HECW2: variants seen among roughly 807,000 people sequenced by gnomAD.
The protein encoded by HECW2 is HECT, C2 and WW domain containing E3 ubiquitin protein ligase 2.
HECW2 carries 61 observed loss-of-function variants against 175.2 expected under a neutral mutation model. That is an observed-to-expected ratio of 0.35 (90% CI 0.28 to 0.43). The LOEUF (loss-of-function observed/expected upper bound fraction) is 0.43. Ranked by LOEUF, HECW2 falls within the 20% of genes least tolerant of loss-of-function variation. The pLI is 1.00. For missense variants in HECW2, 1,524 were observed against 2,000.5 expected (o/e 0.76, Z 4.54); for synonymous variants, 671 against 731.0 (o/e 0.92, Z 1.32).
intron 1 of HECW2, among the ~76,000 whole-genome samples, chr2:196,463,177 TC>T (rs1696814864): frequency 6.6e-6 from 1 of 152,170 alleles, no homozygotes; most frequent in Admixed American, 6.5e-5. Flanking sequence ...TGTCTCAACC[TC>T]TTTCACATGA....
At chr2:196,494,718 A>T (rs761884517) in intron 1 of HECW2, among the ~76,000 whole-genome samples, 27 of 152,234 alleles carry the variant, frequency 1.8e-4, no homozygotes, top group Non-Finnish European at 2.8e-4. Flanking sequence ...ACTTCCCAAG[A>T]CATTTTCTTC....
chr2:196,520,917 TAAAG>T (rs1043336258), intron 1 of HECW2, among the ~76,000 whole-genome samples: 1 of 151,916 alleles, frequency 6.6e-6, no homozygotes, highest in Non-Finnish European at 1.5e-5. Flanking sequence ...AAAAAATAAA[TAAAG>T]AGAGCTAGCT....
chr2:196,430,991 A>T (rs147143124), intron 2 of HECW2, among the ~76,000 whole-genome samples: 7 of 152,348 alleles, frequency 4.6e-5, no homozygotes, highest in Non-Finnish European at 8.8e-5. Context: ...TATAGCATAG[A>T]CAAACTGCTG....
chr2:196,588,814 T>C (rs574389131), intron 1 of HECW2, among the ~76,000 whole-genome samples: 1 of 152,356 alleles, frequency 6.6e-6, no homozygotes, highest in African/African-American at 2.4e-5. Context: ...TTTATACTTG[T>C]TGATCTAATG....
At chr2:196,369,312 C>G (rs1209847439) in intron 2 of HECW2, among the ~76,000 whole-genome samples, 2 of 151,040 alleles carry the variant, frequency 1.3e-5, no homozygotes, top group East Asian at 3.9e-4. Context: ...AACTCTTTTT[C>G]TCTTCCCTTA....
Position 196,352,252 on chromosome 2 carries a change from G to A in HECW2, c.293-8488C>T, listed in dbSNP as rs142411064. 7.2e-5 allele frequency among the ~76,000 whole-genome samples: 11 copies of A among 152,284 alleles called. No homozygotes were observed. In the East Asian group the frequency reaches 1.9e-3, roughly 27 times the overall value. On this transcript the variant is annotated intron_variant, in intron 2 of 28. Coordinates refer to ENST00000644978, the MANE Select transcript of HECW2 (RefSeq NM_001348768.2). ...ACCTGCTAAGAGGGCACCTACTGGC[G>A]ACTACGGCTTTGAAGCCACTTGAAT...
At chr2:196,388,688 T>C (rs958446214) in intron 2 of HECW2, among the ~76,000 whole-genome samples, 4 of 152,192 alleles carry the variant, frequency 2.6e-5, no homozygotes. Flanking sequence ...TTCCTTAATG[T>C]ATGGCTAGCA....
At chr2:196,260,458 C>T (rs866904884) in intron 17 of HECW2, 12 of 152,300 alleles carry the variant, frequency 7.9e-5, no homozygotes, top group Middle Eastern at 3.4e-3. Context: ...TGGTACCACA[C>T]GCTGGGAATC....
chr2:196,478,995 C>A (rs1020532528), intron 1 of HECW2, among the ~76,000 whole-genome samples: 4 of 152,196 alleles, frequency 2.6e-5, no homozygotes, highest in Admixed American at 6.5e-5. Context: ...TGAGGGCCAA[C>A]AAGAGGGGTA....
In HECW2 at chr2:196,220,021, C is replaced by T; in HGVS notation, c.4408+18G>A. Reference sequence around the variant, plus strand: ...AATTTGAAATTTAAAATCTAGCCATCTATAAATCAAATTTCACCTCCTCTA... The same window carrying T: ...AATTTGAAATTTAAAATCTAGCCATTTATAAATCAAATTTCACCTCCTCTA... On this transcript the variant is annotated intron_variant, in intron 26 of 28. Transcript: ENST00000644978. 1 of 1,461,648 alleles carries T rather than the reference C, an allele frequency of 6.8e-7. No homozygotes were observed. Among genetic ancestry groups the T allele is most frequent in the Non-Finnish European group, 9.6e-7 (1 of 1,041,888 alleles). 90.5% of individuals were successfully genotyped at this position (1,461,648 alleles called of 1,614,324 possible).
Position 196,280,043 on chromosome 2 carries a change from A to T in HECW2, c.3001-1381T>A, listed in dbSNP as rs116284566. Reference sequence around the variant, plus strand: ...TATCTATCATTATCCTTAGGGGCCCAATGTTGTAAGTTTTCAAAGTAAAAT... The same window carrying T: ...TATCTATCATTATCCTTAGGGGCCCTATGTTGTAAGTTTTCAAAGTAAAAT... On this transcript the variant is annotated intron_variant, in intron 14 of 28. Transcript: ENST00000644978. Among the ~76,000 whole-genome samples the T allele has an allele frequency of 2.5e-3, 376 of 152,292 alleles. 1 individual carries two copies. Among genetic ancestry groups the T allele is most frequent in the African/African-American group, 8.9e-3 (371 of 41,558 alleles).
chr2:196,374,042 A>AAT (rs1364299029), intron 2 of HECW2, among the ~76,000 whole-genome samples: 3 of 134,100 alleles, frequency 2.2e-5, no homozygotes, highest in African/African-American at 1.2e-4. Flanking sequence ...AAAAAAAATA[A>AAT]AATAAAATAA....
intron 2 of HECW2, among the ~76,000 whole-genome samples, chr2:196,398,614 G>A (rs527708670): frequency 5.9e-5 from 9 of 151,968 alleles, no homozygotes; most frequent in East Asian, 5.8e-4. Context: ...TCTGGCTTTC[G>A]GTCCAAGGTG....
chr2:196,342,273 G>A (rs1327577105), intron 3 of HECW2, among the ~76,000 whole-genome samples: 2 of 151,758 alleles, frequency 1.3e-5, no homozygotes, highest in African/African-American at 2.4e-5. Context: ...GCGTGGTGGT[G>A]CATGACTGTA....
chr2:196,271,186 T>G lies in HECW2; in HGVS notation c.3335+7A>C, dbSNP rs751503218. 8 of 1,533,604 alleles carry G rather than the reference T, an allele frequency of 5.2e-6. No individual in the cohort carries two copies. Among genetic ancestry groups the G allele is most frequent in the Non-Finnish European group, 7.2e-6 (8 of 1,107,352 alleles). The allele number at this position is 1,533,604 out of a possible 1,614,324, so 95.0% of individuals were successfully genotyped here. On this transcript the variant is annotated splice_region_variant and intron_variant, in intron 17 of 28. Coordinates refer to ENST00000644978, the MANE Select transcript of HECW2 (RefSeq NM_001348768.2). Reference sequence around the variant, plus strand: ...CAACTTGAACCAAATACCAATATTATTGTTACCTGAGTGAGTGATTCCTGG... The same window carrying G: ...CAACTTGAACCAAATACCAATATTAGTGTTACCTGAGTGAGTGATTCCTGG...
At chr2:196,406,984 A>G (rs928953698) in intron 2 of HECW2, among the ~76,000 whole-genome samples, 1 of 152,120 alleles carries the variant, frequency 6.6e-6, no homozygotes, top group Non-Finnish European at 1.5e-5. Flanking sequence ...TTCTCTTTAG[A>G]ATGTAAGCTC....
In HECW2 at chr2:196,251,709, C is replaced by T. The variant is rs114751203; in HGVS notation, c.3529+2211G>A. 6.1e-3 allele frequency among the ~76,000 whole-genome samples: 923 copies of T among 152,228 alleles called. 8 individuals are homozygous for T. Among genetic ancestry groups the T allele is most frequent in the African/African-American group, 0.022 (897 of 41,520 alleles). ...TCCTACATATCCCTTCAATTTGTTC[C>T]CTGGTCCCCATCTCCACTGCCTAGT... On this transcript the variant is annotated intron_variant, in intron 19 of 28. Coordinates refer to ENST00000644978, the MANE Select transcript of HECW2 (RefSeq NM_001348768.2).
intron 2 of HECW2, among the ~76,000 whole-genome samples, chr2:196,425,240 A>C (rs556835172): frequency 7.1e-6 from 1 of 140,768 alleles, no homozygotes; most frequent in Non-Finnish European, 1.5e-5. Context: ...AAAAAAAAAA[A>C]CTGCGACAAG....
intron 2 of HECW2, among the ~76,000 whole-genome samples, chr2:196,351,448 T>C (rs945781481): frequency 6.6e-6 from 1 of 152,148 alleles, no homozygotes; most frequent in African/African-American, 2.4e-5. Context: ...TGTTTTTATG[T>C]CTATGTTAAA....
Sources: allele counts gnomAD v4.1 joint callset (sites outside exome capture counted in the v4.1 genomes callset), GRCh38; gene constraint gnomAD v4.1.1; transcripts MANE v1.5; gene names NCBI Gene and HGNC (gene_info 2026-07-23, HGNC 2026-07-21).